FGF14: variants seen among roughly 807,000 people sequenced by gnomAD.
The protein encoded by FGF14 is fibroblast growth factor homologous factor 4.
A neutral mutation model predicts 25.5 loss-of-function variants in FGF14; 5 were observed. That is an observed-to-expected ratio of 0.20 (90% confidence interval 0.10 to 0.41). The LOEUF (loss-of-function observed/expected upper bound fraction) is 0.41. Among genes scored for constraint, FGF14 ranks in the 10% least tolerant of loss-of-function variants. The pLI is 1.00. For synonymous variants in FGF14, 138 were observed against 118.3 expected (o/e 1.17, Z -1.08); for missense variants, 222 against 320.1 (o/e 0.69, Z 2.34).
chr13:102,199,396 T>C (rs1451131917), intron 1 of FGF14, among the ~76,000 whole-genome samples: 1 of 152,190 alleles, frequency 6.6e-6, no homozygotes, highest in Non-Finnish European at 1.5e-5. Context: ...AGGTGGTGAG[T>C]TGGTGAGTTA....
At chr13:102,324,409 G>C (rs1040142916) in intron 1 of FGF14, among the ~76,000 whole-genome samples, 9 of 151,976 alleles carry the variant, frequency 5.9e-5, no homozygotes, top group African/African-American at 2.2e-4. Flanking sequence ...GTAAAATGGG[G>C]CATTTATTTT....
intron 1 of FGF14, among the ~76,000 whole-genome samples, chr13:102,387,057 C>A (rs959388908): frequency 1.9e-4 from 29 of 152,260 alleles, no homozygotes; most frequent in Middle Eastern, 3.4e-3. Flanking sequence ...CTATAAATAC[C>A]AGTCTTATAA....
intron 1 of FGF14, among the ~76,000 whole-genome samples, chr13:102,177,888 C>A (rs9585868): frequency 0.032 from 4,794 of 152,088 alleles, 267 homozygotes; most frequent in African/African-American, 0.11. Context: ...TATGCAAATC[C>A]TGAATTATAT....
chr13:102,378,631 C>CTATCTA (rs757841395), intron 1 of FGF14, among the ~76,000 whole-genome samples: 375 of 141,890 alleles, frequency 2.6e-3, no homozygotes, highest in Middle Eastern at 0.016. Context: ...ATCTATCTAT[C>CTATCTA]TATATATATA....
chr13:101,988,170 A>G (rs2038697836), intron 1 of FGF14, among the ~76,000 whole-genome samples: 2 of 152,054 alleles, frequency 1.3e-5, no homozygotes, highest in African/African-American at 4.8e-5. Flanking sequence ...AGAGATGGAA[A>G]CAAATGGTGA....
At chr13:102,197,191 T>C (rs374996422) in intron 1 of FGF14, among the ~76,000 whole-genome samples, 5 of 132,528 alleles carry the variant, frequency 3.8e-5, no homozygotes, top group African/African-American at 1.5e-4. Flanking sequence ...TATCGTACTC[T>C]CTCCAAGCCA....
chr13:101,831,999 G>A lies in FGF14; in HGVS notation c.408+36726C>T, dbSNP rs530262118. On this transcript the variant is annotated intron_variant, in intron 3 of 4. Transcript: ENST00000376143. Reference sequence around the variant, plus strand: ...AATCCCTGGAACCAGTAAAGATTACGTTATTAGAAAAAAAAGTTTTGCAGA... The same window carrying A: ...AATCCCTGGAACCAGTAAAGATTACATTATTAGAAAAAAAAGTTTTGCAGA... 3.3e-5 allele frequency among the ~76,000 whole-genome samples: 5 copies of A among 152,118 alleles called. No individual in the cohort carries two copies. The South Asian group carries it at 6.2e-4, about 19-fold the overall frequency.
Position 101,884,015 on chromosome 13 carries a change from A to G in FGF14, c.194-8719T>C, listed in dbSNP as rs543800654. Among the ~76,000 whole-genome samples the G allele has an allele frequency of 8.8e-4, 122 of 138,760 alleles. 1 individual carries two copies. Among genetic ancestry groups the G allele is most frequent in the African/African-American group, 3.2e-3 (117 of 36,942 alleles). 91.0% of individuals were successfully genotyped at this position (138,760 alleles called of 152,430 possible). A position where few individuals can be genotyped will look rare whatever the true frequency, so the allele number is the denominator to read the frequency against. On this transcript the variant is annotated intron_variant, in intron 1 of 4. Coordinates refer to ENST00000376143, the MANE Select transcript of FGF14 (RefSeq NM_004115.4). ...GAGGCGGAGGTTGCAGTGAGCCCAG[A>G]TCGCACCACTGCACTCCAGCCTGGG...
intron 3 of FGF14, among the ~76,000 whole-genome samples, chr13:101,753,014 A>G (rs1459731980): frequency 1.3e-5 from 2 of 152,184 alleles, no homozygotes; most frequent in East Asian, 1.9e-4. Flanking sequence ...ATCACAGTTT[A>G]ATTATGGTTT....
intron 3 of FGF14, among the ~76,000 whole-genome samples, chr13:101,850,214 AC>A (rs1366869355): frequency 7.2e-6 from 1 of 139,492 alleles, no homozygotes; most frequent in African/African-American, 2.7e-5. Context: ...TGGGTGGATC[AC>A]TTGAGGTCAG....
At chr13:102,224,587 A>T (rs1475399899) in intron 1 of FGF14, among the ~76,000 whole-genome samples, 1 of 152,190 alleles carries the variant, frequency 6.6e-6, no homozygotes, top group African/African-American at 2.4e-5. Flanking sequence ...AATAATTTTA[A>T]AAAGAACCAA....
At chr13:102,215,721 G>C (rs1164782515) in intron 1 of FGF14, among the ~76,000 whole-genome samples, 1 of 152,156 alleles carries the variant, frequency 6.6e-6, no homozygotes, top group Non-Finnish European at 1.5e-5. Context: ...AGAACATTTT[G>C]TATCCTTCCT....
chr13:102,054,496 G>A (rs1170450424), intron 1 of FGF14, among the ~76,000 whole-genome samples: 1 of 152,168 alleles, frequency 6.6e-6, no homozygotes, highest in Non-Finnish European at 1.5e-5. Flanking sequence ...GTCAGGATTA[G>A]AAAGAGTCCG....
In FGF14 at chr13:101,831,184, A is replaced by G. The variant is rs570394680; in HGVS notation, c.408+37541T>C. Among the ~76,000 whole-genome samples the G allele has an allele frequency of 8.5e-5, 13 of 152,184 alleles. No individual in the cohort carries two copies. In the East Asian group the frequency reaches 2.5e-3, roughly 30 times the overall value. ...TGATTTTTTGAGAATGAAATGAAAC[A>G]TGTCAGGCACTTAGAAAAGTACCAG... On this transcript the variant is annotated intron_variant, in intron 3 of 4. Transcript: ENST00000376143.
At chr13:102,313,063 G>A (rs1420431538) in intron 1 of FGF14, among the ~76,000 whole-genome samples, 1 of 152,168 alleles carries the variant, frequency 6.6e-6, no homozygotes, top group African/African-American at 2.4e-5. Flanking sequence ...TTTAGTTCAA[G>A]GACAACAGAG....
chr13:101,915,156 TG>T (rs1352128942), intron 1 of FGF14, among the ~76,000 whole-genome samples: 1 of 152,212 alleles, frequency 6.6e-6, no homozygotes, highest in African/African-American at 2.4e-5. Flanking sequence ...CTTTGAAGCT[TG>T]ATAGTAAGAG....
At chr13:102,042,619 G>C (rs746607787) in intron 1 of FGF14, among the ~76,000 whole-genome samples, 1 of 152,028 alleles carries the variant, frequency 6.6e-6, no homozygotes, top group South Asian at 2.1e-4. Flanking sequence ...TGTCCAATAT[G>C]TGTGAATGCC....
intron 1 of FGF14, among the ~76,000 whole-genome samples, chr13:102,311,858 C>G (rs1010733403): frequency 6.6e-6 from 1 of 152,080 alleles, no homozygotes; most frequent in Non-Finnish European, 1.5e-5. Flanking sequence ...GACAACTTAC[C>G]GATGTGCTAA....
chr13:102,402,047 G>GT, upstream of FGF14: 1 of 96,052 alleles, frequency 1.0e-5, no homozygotes. Flanking sequence ...TAGGAGAGAA[G>GT]GAAAAAAAAA....
Sources: gnomAD v4.1 joint callset for allele counts (sites outside exome capture counted in the v4.1 genomes callset) on GRCh38, gnomAD v4.1.1 for gene constraint, MANE v1.5 for transcripts, NCBI Gene and HGNC (gene_info 2026-07-23, HGNC 2026-07-21) for gene names.